STYK1: variants seen among roughly 807,000 people sequenced by gnomAD.
STYK1 encodes the protein STY kinase 1.
STYK1 carries 46 observed loss-of-function variants against 48.1 expected under a neutral mutation model. The observed-to-expected ratio is 0.96, with a 90% CI of 0.75 to 1.22. The LOEUF is 1.22. Among genes scored for constraint, STYK1 ranks in the 50% most tolerant of loss-of-function variants. The pLI is 0.00. For synonymous variants in STYK1, 188 were observed against 189.0 expected (o/e 0.99, Z 0.04); for missense variants, 527 against 521.1 (o/e 1.01, Z -0.11).
intron 1 of STYK1, chr12:10,673,595 C>T (rs964420941): frequency 1.3e-5 from 2 of 152,240 alleles, no homozygotes; most frequent in African/African-American, 4.8e-5. Context: ...AGTCCTCTGA[C>T]AAGTAATTCC....
chr12:10,638,601 A>C (rs1947510860), intron 1 of STYK1, among the ~76,000 whole-genome samples: 1 of 152,228 alleles, frequency 6.6e-6, no homozygotes, highest in Admixed American at 6.5e-5. Context: ...ATTTTAATTC[A>C]CACTATATTC....
chr12:10,634,743 T>A, intron 2 of STYK1, 57 bp from the exon 3 acceptor site: 1 of 1,115,658 alleles, frequency 9.0e-7, no homozygotes, highest in Non-Finnish European at 1.3e-6. Context: ...ATAAATGAAG[T>A]ACACACAGAA....
intron 1 of STYK1, among the ~76,000 whole-genome samples, chr12:10,669,489 G>T (rs1947870107): frequency 6.6e-6 from 1 of 152,064 alleles, no homozygotes; most frequent in South Asian, 2.1e-4. Context: ...ACTCAAAATG[G>T]ATTAAAGACT....
At chr12:10,639,005 T>C (rs1293613237) in intron 1 of STYK1, among the ~76,000 whole-genome samples, 2 of 152,210 alleles carry the variant, frequency 1.3e-5, no homozygotes, top group Non-Finnish European at 2.9e-5. Context: ...CTTTGGGCTA[T>C]GGGGCAGAGG....
At chr12:10,656,951 T>A (rs914845398) in intron 1 of STYK1, among the ~76,000 whole-genome samples, 2 of 152,202 alleles carry the variant, frequency 1.3e-5, no homozygotes, top group African/African-American at 4.8e-5. Context: ...GAGCTTTGGT[T>A]TGTAATAACT....
intron 1 of STYK1, among the ~76,000 whole-genome samples, chr12:10,645,741 C>G (rs553160223): frequency 4.6e-5 from 7 of 152,330 alleles, no homozygotes; most frequent in African/African-American, 1.7e-4. Flanking sequence ...TCATTTCCCA[C>G]TTGATATGGT....
intron 1 of STYK1, among the ~76,000 whole-genome samples, chr12:10,670,995 A>ATTTTTTTTTTTT (rs763044772): frequency 5.4e-5 from 6 of 110,470 alleles, no homozygotes; most frequent in Admixed American, 1.1e-4. Context: ...GAATATATTG[A>ATTTTTTTTTTTT]TTTTTTTTTT....
chr12:10,634,088 G>A lies in STYK1; in HGVS notation c.89C>T (p.Pro30Leu). The change falls in exon 4 of 11, where the codon CCA becomes CTA. Residue 30 changes from proline (P) to leucine (L), a missense_variant. Pro to Leu is a moderately conservative substitution (Grantham distance 98). Transcript: ENST00000075503. ...GAGGAAGATAGTAACCAACAAAGTT[G>A]GGACGATAATCACTTCATACTGCTT... ...QEKQYEVIIV[P>L]TLLVTIFLIL... The A allele has an allele frequency of 8.1e-6, 13 of 1,614,078 alleles. No homozygotes were observed. Among genetic ancestry groups the A allele is most frequent in the Non-Finnish European group, 1.1e-5 (13 of 1,180,008 alleles).
intron 5 of STYK1, among the ~76,000 whole-genome samples, chr12:10,630,818 C>G (rs1054500527): frequency 6.6e-6 from 1 of 151,798 alleles, no homozygotes; most frequent in Non-Finnish European, 1.5e-5. Context: ...TTGTAGTAGT[C>G]ATTTTAGTTA....
At chr12:10,626,229 C>T (rs1162165515) in intron 7 of STYK1, among the ~76,000 whole-genome samples, 2 of 152,090 alleles carry the variant, frequency 1.3e-5, no homozygotes, top group African/African-American at 2.4e-5. Context: ...CATGATATTG[C>T]CTTGTAACAG....
chr12:10,644,114 G>C (rs182111671), intron 1 of STYK1, among the ~76,000 whole-genome samples: 1 of 152,200 alleles, frequency 6.6e-6, no homozygotes, highest in Non-Finnish European at 1.5e-5. Flanking sequence ...GGTTCCATCC[G>C]TATAATATTT....
chr12:10,635,090 AT>A (rs913325599), intron 2 of STYK1, among the ~76,000 whole-genome samples: 3 of 151,924 alleles, frequency 2.0e-5, no homozygotes, highest in African/African-American at 4.8e-5. Flanking sequence ...TGTCTAATAT[AT>A]TTTTTTTAGC....
chr12:10,632,212 C>G (rs1278507988), intron 4 of STYK1, among the ~76,000 whole-genome samples: 1 of 139,716 alleles, frequency 7.2e-6, no homozygotes, highest in South Asian at 2.3e-4. Flanking sequence ...AAAAAAAAAA[C>G]AAAAAAAGGT....
intron 1 of STYK1, among the ~76,000 whole-genome samples, chr12:10,650,551 C>T (rs201843513): frequency 3.9e-5 from 6 of 152,148 alleles, no homozygotes; most frequent in African/African-American, 1.4e-4. Flanking sequence ...ACTGCCCCAC[C>T]CCAGTGGTCT....
At position 10,619,943 on chromosome 12, in the gene STYK1, G is replaced by C. The variant is rs1022049546; in HGVS notation, c.*201C>G. The C allele has an allele frequency of 2.5e-5, 16 of 630,882 alleles. No homozygotes were observed. The highest frequency in any genetic ancestry group is 4.1e-5 in the Non-Finnish European group (15 of 363,230). 39.1% of individuals were successfully genotyped at this position (630,882 alleles called of 1,614,324 possible). On this transcript the variant is annotated 3_prime_UTR_variant, in exon 11 of 11. Coordinates refer to ENST00000075503, the MANE Select transcript of STYK1 (RefSeq NM_018423.3). ...TCTAGGACTGGGACAGCAGAAGTGA[G>C]ACTGACAGTATGTCTTAGCTCAGGA...
At chr12:10,622,514 C>A in intron 9 of STYK1, 124 bp downstream of exon 9, 1 of 1,035,260 alleles carries the variant, frequency 9.7e-7, no homozygotes, top group South Asian at 1.5e-5. Context: ...GATAACATGT[C>A]AGTCCATTTC....
chr12:10,631,451 A>C, intron 4 of STYK1, 143 bp from the exon 5 acceptor site: 1 of 1,025,310 alleles, frequency 9.8e-7, no homozygotes. Context: ...CTTCTCTATA[A>C]ACCAGCATCA....
chr12:10,637,257 A>C (rs1228592806), intron 1 of STYK1, 61 bp from the exon 2 acceptor site: 1 of 152,060 alleles, frequency 6.6e-6, no homozygotes, highest in Non-Finnish European at 1.5e-5. Flanking sequence ...TGCTTTCCAT[A>C]TGTGTATACA....
chr12:10,634,094 A>G lies in STYK1; in HGVS notation c.83T>C (p.Ile28Thr). The G allele has an allele frequency of 9.9e-6, 16 of 1,614,170 alleles. No individual in the cohort carries two copies. The highest frequency in any genetic ancestry group is 1.4e-5 in the Non-Finnish European group (16 of 1,180,028). ...GATAGTAACCAACAAAGTTGGGACG[A>G]TAATCACTTCATACTGCTTCTCCTG... is the stretch of plus-strand genomic sequence containing the variant. ...VIQEKQYEVI[I>T]VPTLLVTIFL... The change falls in exon 4 of 11, where the codon ATC (isoleucine) becomes ACC (threonine). Residue 28 changes from isoleucine (I) to threonine (T), a missense_variant. Coordinates refer to ENST00000075503, the MANE Select transcript of STYK1 (RefSeq NM_018423.3).
Sources: allele counts gnomAD v4.1 joint callset (sites outside exome capture counted in the v4.1 genomes callset), GRCh38; gene constraint gnomAD v4.1.1; transcripts MANE v1.5; gene names NCBI Gene and HGNC (gene_info 2026-07-23, HGNC 2026-07-21).